The following SORCS2 variants were observed in gnomAD, a reference collection of about 807,000 sequenced individuals.
The protein encoded by SORCS2 is VPS10 domain-containing receptor SorCS2.
In SORCS2, 100 loss-of-function variants were observed where a neutral mutation model predicts 141.6. That is an observed-to-expected ratio of 0.71 (90% CI 0.60 to 0.83). SORCS2 has a LOEUF of 0.83. SORCS2 is among the 40% of genes least tolerant of loss of function. The probability of loss-of-function intolerance (pLI) is 0.00; values close to 1 mark genes in which losing one functional copy is unlikely to be tolerated. For missense variants in SORCS2, 1,646 were observed against 1,560.2 expected, an observed-to-expected ratio of 1.05 and a Z score of -0.93; for synonymous variants, 789 against 676.9, an observed-to-expected ratio of 1.17 and a Z score of -2.57.
intron 3 of SORCS2, among the ~76,000 whole-genome samples, chr4:7,633,293 A>G (rs1163955944): frequency 6.6e-6 from 1 of 151,986 alleles, no homozygotes; most frequent in African/African-American, 2.4e-5. Context: ...CAGGAGCCTG[A>G]GGGGTGGGAG....
intron 1 of SORCS2, among the ~76,000 whole-genome samples, chr4:7,374,119 CTTTCTTTCCCTCTTTCT>C (rs1722458416): frequency 1.7e-4 from 3 of 18,070 alleles, no homozygotes. Flanking sequence ...TTCTTTCTTT[CTTTCTTTCCCTCTTTCT>C]TTCTTTCTTT....
intron 2 of SORCS2, among the ~76,000 whole-genome samples, chr4:7,454,501 T>C (rs1728728474): frequency 7.4e-6 from 1 of 134,710 alleles, no homozygotes. Context: ...TCAGGTGCTG[T>C]GTGTTGGGGT....
intron 11 of SORCS2, among the ~76,000 whole-genome samples, chr4:7,691,438 G>A (rs1373369903): frequency 1.3e-5 from 2 of 152,170 alleles, no homozygotes; most frequent in Non-Finnish European, 2.9e-5. Flanking sequence ...AAGCCTACGT[G>A]CAGGGCTGGG....
At position 7,408,940 on chromosome 4, in the gene SORCS2, A is replaced by G. The variant is rs182294068; in HGVS notation, c.548+12585A>G. On this transcript the variant is annotated intron_variant, in intron 2 of 26. Coordinates refer to ENST00000507866, the MANE Select transcript of SORCS2 (RefSeq NM_020777.3). The stretch of plus-strand genomic sequence containing the variant: ...CACAGGTGTTTTTCTCAGTTCCAAG[A>G]TTTCTCTCTGTTAAATTACTCTGAT... Among the ~76,000 whole-genome samples the G allele has an allele frequency of 2.6e-5, 4 of 151,990 alleles. No individual in the cohort carries two copies. The East Asian group carries it at 7.8e-4, about 30-fold the overall frequency.
At chr4:7,224,110 C>T (rs11935586) in intron 1 of SORCS2, among the ~76,000 whole-genome samples, 4 of 152,250 alleles carry the variant, frequency 2.6e-5, no homozygotes, top group Admixed American at 6.5e-5. Flanking sequence ...TCCAGGGCCC[C>T]TCTAGGCACC....
At chr4:7,337,623 G>T (rs556129521) in intron 1 of SORCS2, among the ~76,000 whole-genome samples, 2 of 152,208 alleles carry the variant, frequency 1.3e-5, no homozygotes, top group Non-Finnish European at 1.5e-5. Context: ...CGGCCAGAGG[G>T]TTGGATGTTG....
At chr4:7,571,636 G>T (rs1715401386) in intron 3 of SORCS2, among the ~76,000 whole-genome samples, 1 of 152,054 alleles carries the variant, frequency 6.6e-6, no homozygotes. Flanking sequence ...AGCAAGTGGA[G>T]GAGGGCTGAG....
In SORCS2 at chr4:7,192,560, C is replaced by T; in HGVS notation, c.-87C>T. On this transcript the variant is annotated 5_prime_UTR_variant, in exon 1 of 27. Transcript: ENST00000507866. This position sits in a 1 kb window ranked among gnomAD's most constrained non-coding sequence, Gnocchi z 4.0. ...GCTCCTTTCTCTGCGCTCTCGCTCGCGCTCCCCAGCGCCCTCCTGCTCTCC... is the reference window on the plus strand; with the variant it reads ...GCTCCTTTCTCTGCGCTCTCGCTCGTGCTCCCCAGCGCCCTCCTGCTCTCC... The T allele has an allele frequency of 1.0e-6, 1 of 974,822 alleles. No individual in the cohort carries two copies. Among genetic ancestry groups the T allele is most frequent in the African/African-American group, 1.8e-5 (1 of 56,912 alleles). The allele number at this position is 974,822 out of a possible 1,614,324, so 60.4% of individuals were successfully genotyped here. A position where few individuals can be genotyped will look rare whatever the true frequency, so the allele number is the denominator to read the frequency against.
chr4:7,368,653 G>A (rs534772337), intron 1 of SORCS2, among the ~76,000 whole-genome samples: 5 of 152,216 alleles, frequency 3.3e-5, no homozygotes, highest in Admixed American at 1.3e-4. Flanking sequence ...CATGGGAGGG[G>A]CCAAGACATG....
intron 1 of SORCS2, among the ~76,000 whole-genome samples, chr4:7,395,143 GCA>G (rs1724125852): frequency 7.1e-6 from 1 of 140,276 alleles, no homozygotes; most frequent in Non-Finnish European, 1.5e-5. Flanking sequence ...CCTGTAAGAT[GCA>G]CACTGTCCCA....
chr4:7,567,812 T>C (rs1260388897), intron 3 of SORCS2, among the ~76,000 whole-genome samples: 1 of 152,204 alleles, frequency 6.6e-6, no homozygotes, highest in Non-Finnish European at 1.5e-5. Flanking sequence ...CATTTATTTA[T>C]TTAATCATGT....
At chr4:7,509,175 C>T (rs1299629103) in intron 2 of SORCS2, among the ~76,000 whole-genome samples, 1 of 152,126 alleles carries the variant, frequency 6.6e-6, no homozygotes, top group African/African-American at 2.4e-5. Flanking sequence ...GTGAGGCAGC[C>T]CACATTAGAG....
intron 2 of SORCS2, among the ~76,000 whole-genome samples, chr4:7,498,325 G>A (rs761581507): frequency 3.9e-5 from 6 of 152,164 alleles, no homozygotes; most frequent in East Asian, 1.9e-4. Flanking sequence ...CCTTTGCTAC[G>A]GGTAAAGGGG....
rs373571074 is a variant in SORCS2 at position 7,409,915 on chromosome 4, G to GT, written c.548+13567dup. Among the ~76,000 whole-genome samples the GT allele has an allele frequency of 8.0e-4, 122 of 152,288 alleles. 1 individual carries two copies. Among genetic ancestry groups the GT allele is most frequent in the African/African-American group, 2.8e-3 (118 of 41,558 alleles). ...CCATTTTGGAACCGGAAGTCTCCTT[G>GT]TTTTTTTCTGTCTTTTAATGTATAG... is the stretch of plus-strand genomic sequence containing the variant. On this transcript the variant is annotated intron_variant, in intron 2 of 26. Coordinates refer to ENST00000507866, the MANE Select transcript of SORCS2 (RefSeq NM_020777.3).
intron 1 of SORCS2, among the ~76,000 whole-genome samples, chr4:7,247,946 C>T (rs989025410): frequency 1.3e-5 from 2 of 152,244 alleles, no homozygotes; most frequent in Non-Finnish European, 2.9e-5. Context: ...GGGATCCCCC[C>T]AAACTCCTTA....
chr4:7,547,927 C>T (rs191398108), intron 3 of SORCS2, among the ~76,000 whole-genome samples: 2 of 152,366 alleles, frequency 1.3e-5, no homozygotes, highest in East Asian at 3.9e-4. Flanking sequence ...GAAACCCAAT[C>T]TCAACATGCC....
At chr4:7,433,429 A>G (rs750298624) in intron 2 of SORCS2, 2 of 1,523,678 alleles carry the variant, frequency 1.3e-6, no homozygotes, top group Non-Finnish European at 1.8e-6. Context: ...GCTTGGGCCC[A>G]GGGCACACTG....
chr4:7,213,249 G>C (rs941573710), intron 1 of SORCS2, among the ~76,000 whole-genome samples: 3 of 146,514 alleles, frequency 2.0e-5, no homozygotes, highest in African/African-American at 7.8e-5. Context: ...ATGGGTGCTT[G>C]TGCCATTTTT....
At chr4:7,278,983 C>G (rs1715689311) in intron 1 of SORCS2, among the ~76,000 whole-genome samples, 1 of 152,312 alleles carries the variant, frequency 6.6e-6, no homozygotes, top group African/African-American at 2.4e-5. Flanking sequence ...CATTGCAAGT[C>G]CTCGTCCAGG....
Sources: allele counts gnomAD v4.1 joint callset (sites outside exome capture counted in the v4.1 genomes callset), GRCh38; gene constraint gnomAD v4.1.1; non-coding constraint Gnocchi (gnomAD v3.1); transcripts MANE v1.5; gene names NCBI Gene and HGNC (gene_info 2026-07-23, HGNC 2026-07-21).